ZNF519: variants seen among roughly 807,000 people sequenced by gnomAD.
The protein encoded by ZNF519 is zinc finger protein 519, also known as similar to Zinc finger protein 85 (Zinc finger protein HPF4) (HTF1).
ZNF519 carries 7 observed loss-of-function variants against 7.4 expected under a neutral mutation model. That is an observed-to-expected ratio of 0.94 (90% CI 0.54 to 1.77). The LOEUF is 1.77. ZNF519 is among the 40% of genes most tolerant of loss of function. The pLI is 0.00. For synonymous variants in ZNF519, 179 were observed against 203.3 expected (o/e 0.88, Z 1.02); for missense variants, 586 against 623.1 (o/e 0.94, Z 0.63).
chr18:14,124,488 T>A lies in ZNF519; in HGVS notation c.4-12A>T. ...AATGTTAAGAGTTCCTGGAAACACA[T>A]ATATCAAGTGACAGAGCTCTTAATT... On this transcript the variant is annotated splice_polypyrimidine_tract_variant and intron_variant, in intron 1 of 2. Coordinates refer to ENST00000590202, the MANE Select transcript of ZNF519 (RefSeq NM_145287.4). 1.2e-6 allele frequency: 2 copies of A among 1,605,816 alleles called. No homozygotes were observed. Among genetic ancestry groups the A allele is most frequent in the Non-Finnish European group, 1.7e-6 (2 of 1,178,138 alleles).
intron 1 of ZNF519, among the ~76,000 whole-genome samples, chr18:14,125,680 T>A (rs1411717947): frequency 6.6e-6 from 1 of 151,910 alleles, no homozygotes; most frequent in African/African-American, 2.4e-5. Flanking sequence ...CTAGAAACAC[T>A]GGTTTTAATT....
chr18:14,101,843 T>C lies in ZNF519; in HGVS notation c.*3074A>G. The C allele has an allele frequency of 2.5e-6, 1 of 397,988 alleles. No individual in the cohort carries two copies. Among genetic ancestry groups the C allele is most frequent in the African/African-American group, 2.1e-5 (1 of 48,724 alleles). 24.7% of individuals were successfully genotyped at this position (397,988 alleles called of 1,614,324 possible). A position where few individuals can be genotyped will look rare whatever the true frequency, so the allele number is the denominator to read the frequency against. On this transcript the variant is annotated 3_prime_UTR_variant, in exon 3 of 3. Coordinates refer to ENST00000590202, the MANE Select transcript of ZNF519 (RefSeq NM_145287.4). ...TGCTTGGCTGACCTGGCCTCTTCTG[T>C]CGAGTCTTTCCATTCCCCAAATCAG...
rs188490535 is a variant in ZNF519 at position 14,085,999 on chromosome 18, C to T, written c.131-923G>A. Among the ~76,000 whole-genome samples, 10 of 152,280 alleles carry T rather than the reference C, an allele frequency of 6.6e-5. No individual in the cohort carries two copies. In the East Asian group the frequency reaches 1.7e-3, roughly 26 times the overall value. ...CCAGGGTTGTGCTGGCCCCAGTTTC[C>T]ATTGGCTTTGGCCCGATCCAGCTAA... On this transcript the variant is annotated intron_variant and NMD_transcript_variant, in intron 2 of 4. Coordinates refer to the ZNF519 transcript ENST00000587419.
rs903937950 is a variant in ZNF519 at position 14,101,632 on chromosome 18, T to C, written c.*3285A>G. On this transcript the variant is annotated 3_prime_UTR_variant, in exon 3 of 3. Transcript: ENST00000590202. ...TCCTGGCAGAAGGCCTTCTCAGCCATGTCTGGGCCCTGGTTATAGAGACCA... is the reference window on the plus strand; with the variant it reads ...TCCTGGCAGAAGGCCTTCTCAGCCACGTCTGGGCCCTGGTTATAGAGACCA... 1.0e-5 allele frequency: 4 copies of C among 398,478 alleles called. No homozygotes were observed. Among genetic ancestry groups the C allele is most frequent in the African/African-American group, 6.2e-5 (3 of 48,596 alleles). 24.7% of individuals were successfully genotyped at this position (398,478 alleles called of 1,614,324 possible). A position where few individuals can be genotyped will look rare whatever the true frequency, so the allele number is the denominator to read the frequency against.
chr18:14,082,353 T>C (rs2046073846), intron 3 of ZNF519: 1 of 152,184 alleles, frequency 6.6e-6, no homozygotes, highest in Non-Finnish European at 1.5e-5. Flanking sequence ...CAATATTTGC[T>C]AACATGAAAA....
chr18:14,088,588 T>G (rs2046101002), intron 2 of ZNF519, among the ~76,000 whole-genome samples: 1 of 152,122 alleles, frequency 6.6e-6, no homozygotes, highest in Non-Finnish European at 1.5e-5. Context: ...TAAAAATGAG[T>G]TCTGGCATAT....
rs1336426316 is a variant in ZNF519, at chr18:14,104,826, G to A, written c.*91C>T. 1 of 1,310,344 alleles carries A rather than the reference G, an allele frequency of 7.6e-7. No homozygotes were observed. The highest frequency in any genetic ancestry group is 1.0e-6 in the Non-Finnish European group (1 of 982,692). 81.2% of individuals were successfully genotyped at this position (1,310,344 alleles called of 1,614,324 possible). ...ATGTTTCAAAAATCATTACACATAT[G>A]GGATTTCTATCCAGTATTGATTTTC... is the stretch of plus-strand genomic sequence containing the variant. On this transcript the variant is annotated 3_prime_UTR_variant, in exon 3 of 3. Transcript: ENST00000590202.
intron 3 of ZNF519, chr18:14,080,324 T>TTG (rs1555629344): frequency 1.1e-5 from 1 of 91,398 alleles, no homozygotes; most frequent in African/African-American, 3.3e-5. Flanking sequence ...AGTTTTTTTT[T>TTG]TTTTTTTTTT....
intron 1 of ZNF519, 42 bp downstream of exon 1, chr18:14,132,233 G>A (rs1353798235): frequency 6.2e-7 from 1 of 1,611,750 alleles, no homozygotes; most frequent in Non-Finnish European, 8.5e-7. Flanking sequence ...GTTCCAAGGA[G>A]CCCCCTCCCC....
intron 2 of ZNF519, among the ~76,000 whole-genome samples, chr18:14,116,966 AT>A (rs2046248967): frequency 6.6e-6 from 1 of 152,196 alleles, no homozygotes; most frequent in Non-Finnish European, 1.5e-5. Context: ...AACCAAGATC[AT>A]GCCATTGCAC....
intron 3 of ZNF519, among the ~76,000 whole-genome samples, chr18:14,083,834 A>C (rs2046079218): frequency 6.6e-6 from 1 of 152,212 alleles, no homozygotes; most frequent in African/African-American, 2.4e-5. Flanking sequence ...TTCCACCTAC[A>C]CATAAATACA....
chr18:14,118,470 T>C (rs1237475354), intron 2 of ZNF519, among the ~76,000 whole-genome samples: 2 of 152,202 alleles, frequency 1.3e-5, no homozygotes, highest in Non-Finnish European at 2.9e-5. Context: ...AGTGACAGTA[T>C]ATGATTCCAC....
chr18:14,089,763 T>A (rs761959083), intron 2 of ZNF519, among the ~76,000 whole-genome samples: 2 of 152,300 alleles, frequency 1.3e-5, no homozygotes, highest in East Asian at 1.9e-4. Context: ...TTATACAAAA[T>A]TTTTTAAAGG....
downstream of ZNF519, chr18:14,074,424 A>T (rs1174719434): frequency 6.5e-6 from 1 of 152,710 alleles, no homozygotes; most frequent in Non-Finnish European, 1.5e-5. Flanking sequence ...TGTGGCCCGA[A>T]TGCATATCTG....
At chr18:14,112,773 TA>T (rs2046227866) in intron 2 of ZNF519, among the ~76,000 whole-genome samples, 1 of 152,238 alleles carries the variant, frequency 6.6e-6, no homozygotes, top group East Asian at 1.9e-4. Context: ...GCAAGAAATT[TA>T]AAAAGACAAA....
chr18:14,095,764 T>C (rs1270807164), downstream of ZNF519, among the ~76,000 whole-genome samples: 1 of 152,140 alleles, frequency 6.6e-6, no homozygotes, highest in East Asian at 1.9e-4. Flanking sequence ...TTTACTTCTC[T>C]CTCCCTCCCT....
intron 1 of ZNF519, among the ~76,000 whole-genome samples, chr18:14,129,138 T>C (rs1207868000): frequency 1.3e-5 from 2 of 152,200 alleles, no homozygotes; most frequent in African/African-American, 4.8e-5. Context: ...TTCTGACTTA[T>C]TCCTGTGTTC....
At chr18:14,130,295 C>G (rs1342426377) in intron 1 of ZNF519, among the ~76,000 whole-genome samples, 1 of 151,962 alleles carries the variant, frequency 6.6e-6, no homozygotes. Context: ...TAAGAAAAAG[C>G]TGACTTCAGG....
At chr18:14,080,689 C>T (rs1567937690) in intron 3 of ZNF519, among the ~76,000 whole-genome samples, 1 of 152,092 alleles carries the variant, frequency 6.6e-6, no homozygotes, top group Admixed American at 6.5e-5. Context: ...AGTATTTACC[C>T]AAAGATGCTG....
Sources: allele counts gnomAD v4.1 joint callset (sites outside exome capture counted in the v4.1 genomes callset), GRCh38; gene constraint gnomAD v4.1.1; transcripts MANE v1.5; gene names NCBI Gene and HGNC (gene_info 2026-07-23, HGNC 2026-07-21).